DENND1A: variants seen among roughly 807,000 people sequenced by gnomAD.
The protein encoded by DENND1A is DENN domain containing 1A.
Under a neutral mutation model 113.7 loss-of-function variants are expected in DENND1A, and 51 were observed. The ratio of observed to expected loss-of-function variants is 0.45; its 90% confidence interval spans 0.36 to 0.57. DENND1A has a LOEUF of 0.57. DENND1A is among the 20% of genes least tolerant of loss of function. The pLI, the probability that DENND1A is intolerant of heterozygous loss-of-function variation, is 0.00. For synonymous variants in DENND1A, 565 were observed against 570.8 expected (o/e 0.99, Z 0.14); for missense variants, 1,258 against 1,395.9 (o/e 0.90, Z 1.57).
At chr9:123,441,156 C>T (rs1433731468) in intron 18 of DENND1A, among the ~76,000 whole-genome samples, 1 of 152,186 alleles carries the variant, frequency 6.6e-6, no homozygotes, top group African/African-American at 2.4e-5. Context: ...TATCAAATTG[C>T]TTTCCAATTT....
chr9:123,583,561 C>A (rs531596996), intron 11 of DENND1A, among the ~76,000 whole-genome samples: 11 of 152,292 alleles, frequency 7.2e-5, no homozygotes, highest in Non-Finnish European at 1.5e-4. Context: ...TCATTACACC[C>A]CATCATCATT....
intron 13 of DENND1A, among the ~76,000 whole-genome samples, chr9:123,538,541 C>T (rs904290512): frequency 9.2e-5 from 14 of 151,756 alleles, no homozygotes. Context: ...AGCAAGAGAG[C>T]TATCAAAGAC....
intron 21 of DENND1A, among the ~76,000 whole-genome samples, chr9:123,394,456 T>C (rs2131110262): frequency 6.6e-6 from 1 of 152,246 alleles, no homozygotes; most frequent in East Asian, 1.9e-4. Flanking sequence ...CGTGCAAGTC[T>C]GGGGGTGGTG....
At position 123,415,151 on chromosome 9, in the gene DENND1A, G is replaced by A. The variant is rs76866298; in HGVS notation, c.1489-3322C>T. ...AAAGATGCCAAGAAAGAGTAACGTG[G>A]TACAGATGTCCTGGCGCACCCAGTC... On this transcript the variant is annotated intron_variant, in intron 19 of 23. Coordinates refer to ENST00000394215, the MANE Select transcript of DENND1A (RefSeq NM_001352964.2). Among the ~76,000 whole-genome samples, 896 of 152,288 alleles carry A rather than the reference G, an allele frequency of 5.9e-3. 3 individuals are homozygous for A. Among genetic ancestry groups the A allele is most frequent in the Admixed American group, 0.012 (177 of 15,298 alleles).
At chr9:123,879,437 G>T (rs971717673) in intron 1 of DENND1A, among the ~76,000 whole-genome samples, 1 of 152,154 alleles carries the variant, frequency 6.6e-6, no homozygotes, top group Non-Finnish European at 1.5e-5. Context: ...GGAGGCTAAG[G>T]TGGGAGGATC....
At chr9:123,693,908 A>G (rs1236484363) in intron 5 of DENND1A, among the ~76,000 whole-genome samples, 1 of 151,080 alleles carries the variant, frequency 6.6e-6, no homozygotes, top group East Asian at 1.9e-4. Context: ...GCTCACTGCA[A>G]CATCTGCCTC....
At chr9:123,688,935 T>G (rs1183650152) in intron 5 of DENND1A, among the ~76,000 whole-genome samples, 1 of 152,194 alleles carries the variant, frequency 6.6e-6, no homozygotes, top group African/African-American at 2.4e-5. Flanking sequence ...TATTTATAAT[T>G]TTCAAAACAG....
intron 13 of DENND1A, among the ~76,000 whole-genome samples, chr9:123,488,285 T>C (rs2051064190): frequency 6.6e-6 from 1 of 152,180 alleles, no homozygotes; most frequent in Non-Finnish European, 1.5e-5. Flanking sequence ...TTGTTCTCCC[T>C]GGAGGGAGTC....
At chr9:123,419,363 G>A (rs1411654678) in intron 19 of DENND1A, among the ~76,000 whole-genome samples, 1 of 152,260 alleles carries the variant, frequency 6.6e-6, no homozygotes, top group Non-Finnish European at 1.5e-5. Flanking sequence ...CTCAAATGGA[G>A]GAGGCCTGGC....
At chr9:123,435,189 AG>A (rs889765704) in intron 19 of DENND1A, among the ~76,000 whole-genome samples, 2 of 152,164 alleles carry the variant, frequency 1.3e-5, no homozygotes, top group African/African-American at 4.8e-5. Flanking sequence ...GCTGAAGTGA[AG>A]GGAATTGCAT....
intron 13 of DENND1A, among the ~76,000 whole-genome samples, chr9:123,555,830 A>G (rs908820988): frequency 4.6e-5 from 7 of 152,182 alleles, no homozygotes; most frequent in Non-Finnish European, 1.0e-4. Context: ...TGCAGCAGCA[A>G]TATGTCCCGA....
At position 123,741,538 on chromosome 9, in the gene DENND1A, A is replaced by T. The variant is rs1238735522; in HGVS notation, c.302+16165T>A. Among the ~76,000 whole-genome samples, 4 of 152,218 alleles carry T rather than the reference A, an allele frequency of 2.6e-5. No homozygotes were observed. In the South Asian group the frequency reaches 6.2e-4, roughly 24 times the overall value. ...TAAGGAAAATATTAATTTCTAACTC[A>T]GTTACTATGCTGGTTTACAGAGGCA... is the stretch of plus-strand genomic sequence containing the variant. On this transcript the variant is annotated intron_variant, in intron 5 of 23. Coordinates refer to ENST00000394215, the MANE Select transcript of DENND1A (RefSeq NM_001352964.2).
In DENND1A at chr9:123,803,000, C is replaced by A. The variant is rs868199819; in HGVS notation, c.89-10370G>T. On this transcript the variant is annotated intron_variant, in intron 2 of 23. Coordinates refer to ENST00000394215, the MANE Select transcript of DENND1A (RefSeq NM_001352964.2). ...TATAGGCGTGAGCCACCACACTCAG[C>A]CCTTTTCACTGCCTTTGATCCACCT... is the stretch of plus-strand genomic sequence containing the variant. Among the ~76,000 whole-genome samples, 22 of 152,230 alleles carry A rather than the reference C, an allele frequency of 1.4e-4. 1 individual carries two copies. Among genetic ancestry groups the A allele is most frequent in the African/African-American group, 5.1e-4 (21 of 41,460 alleles).
At chr9:123,471,514 G>C (rs1030580052) in intron 13 of DENND1A, among the ~76,000 whole-genome samples, 1 of 152,240 alleles carries the variant, frequency 6.6e-6, no homozygotes, top group Non-Finnish European at 1.5e-5. Context: ...TACCTGTGCA[G>C]GACATGTGAC....
At chr9:123,653,548 T>G (rs2062773017) in intron 8 of DENND1A, among the ~76,000 whole-genome samples, 1 of 152,214 alleles carries the variant, frequency 6.6e-6, no homozygotes, top group Non-Finnish European at 1.5e-5. Flanking sequence ...GAACTAAGTA[T>G]TATTATCCCT....
chr9:123,584,362 C>T (rs919870518), intron 11 of DENND1A, among the ~76,000 whole-genome samples: 7 of 152,192 alleles, frequency 4.6e-5, no homozygotes, highest in South Asian at 4.1e-4. Flanking sequence ...CATGTGGCTG[C>T]GCAGGTATGC....
At chr9:123,544,334 G>T (rs2056500929) in intron 13 of DENND1A, among the ~76,000 whole-genome samples, 2 of 152,160 alleles carry the variant, frequency 1.3e-5, no homozygotes, top group South Asian at 4.1e-4. Flanking sequence ...TTTTAAAAAA[G>T]ATATATAAAA....
chr9:123,697,676 C>A (rs983547459), intron 5 of DENND1A, among the ~76,000 whole-genome samples: 1 of 152,158 alleles, frequency 6.6e-6, no homozygotes, highest in Non-Finnish European at 1.5e-5. Flanking sequence ...CAGTCTCCCT[C>A]CTCCTTCCTT....
intron 10 of DENND1A, among the ~76,000 whole-genome samples, chr9:123,612,027 T>G (rs1420591829): frequency 6.6e-6 from 1 of 152,268 alleles, no homozygotes; most frequent in Non-Finnish European, 1.5e-5. Context: ...TTGTTAGAAC[T>G]GCAACAGCTC....
Sources: gnomAD v4.1 joint callset for allele counts (sites outside exome capture counted in the v4.1 genomes callset) on GRCh38, gnomAD v4.1.1 for gene constraint, MANE v1.5 for transcripts, NCBI Gene and HGNC (gene_info 2026-07-23, HGNC 2026-07-21) for gene names.